The following ATP2B2 variants were observed in gnomAD, a reference collection of about 807,000 sequenced individuals.
ATP2B2 encodes plasma membrane calcium-transporting ATPase 2.
A neutral mutation model predicts 120.0 loss-of-function variants in ATP2B2; 15 were observed. That is an observed-to-expected ratio of 0.12 (90% CI 0.08 to 0.19). ATP2B2 has a LOEUF of 0.19. Ranked by LOEUF, ATP2B2 falls within the 10% of genes least tolerant of loss-of-function variation. The pLI is 1.00. For synonymous variants in ATP2B2, 694 were observed against 700.3 expected, an observed-to-expected ratio of 0.99 and a Z score of 0.14; for missense variants, 1,045 against 1,719.8, an observed-to-expected ratio of 0.61 and a Z score of 6.94.
At chr3:10,525,919 A>C (rs1372449063) in intron 3 of ATP2B2, among the ~76,000 whole-genome samples, 1 of 152,188 alleles carries the variant, frequency 6.6e-6, no homozygotes, top group Non-Finnish European at 1.5e-5. Context: ...TCTGCTTCGC[A>C]ACTGTATTCA....
At chr3:10,384,917 G>T (rs1410243577) in intron 8 of ATP2B2, among the ~76,000 whole-genome samples, 1 of 152,204 alleles carries the variant, frequency 6.6e-6, no homozygotes, top group Non-Finnish European at 1.5e-5. Context: ...TCTTCCCAAA[G>T]CCAGGGCCAG....
intron 2 of ATP2B2, among the ~76,000 whole-genome samples, chr3:10,597,387 GCA>G (rs1464892879): frequency 6.6e-6 from 1 of 150,590 alleles, no homozygotes; most frequent in Non-Finnish European, 1.5e-5. Context: ...ATACACACAG[GCA>G]CAGAGGCACA....
At chr3:10,491,224 ATTTTTTTTTT>A (rs3077070) in intron 1 of ATP2B2, among the ~76,000 whole-genome samples, 1 of 119,988 alleles carries the variant, frequency 8.3e-6, no homozygotes, top group African/African-American at 3.2e-5. Flanking sequence ...CCTTCATTCC[ATTTTTTTTTT>A]TTTTTTTTGA....
At position 10,347,251 on chromosome 3, in the gene ATP2B2, T is replaced by A. The variant is rs142136698; in HGVS notation, c.2405-1114A>T. On this transcript the variant is annotated intron_variant, in intron 16 of 22. Transcript: ENST00000360273. The surrounding 1 kb of genome is among the most constrained non-coding windows in gnomAD (Gnocchi z 5.2). ...AGAGCTAGCTCTCACTGGCCCTGTG[T>A]CTGGGCAGGCTGTTCCCTTGGCTGG... Among the ~76,000 whole-genome samples the A allele has an allele frequency of 4.1e-4, 63 of 152,322 alleles. No individual in the cohort carries two copies. The highest frequency in any genetic ancestry group is 1.5e-3 in the African/African-American group (62 of 41,574).
chr3:10,633,771 CA>C (rs2069940038), intron 1 of ATP2B2, among the ~76,000 whole-genome samples: 1 of 152,228 alleles, frequency 6.6e-6, no homozygotes, highest in Non-Finnish European at 1.5e-5. Flanking sequence ...ACAAGATCCT[CA>C]GTCCAGTTTC....
intron 3 of ATP2B2, among the ~76,000 whole-genome samples, chr3:10,512,464 G>GCGCGCGCACGCGCACACACA: frequency 7.3e-6 from 1 of 137,026 alleles, no homozygotes; most frequent in African/African-American, 2.9e-5. Context: ...AAGTGTGTGC[G>GCGCGCGCACGCGCACACACA]CACACACACA....
chr3:10,625,996 A>G (rs1320150226), intron 1 of ATP2B2: 1 of 151,964 alleles, frequency 6.6e-6, no homozygotes, highest in African/African-American at 2.4e-5. Context: ...TTTTTTTCCC[A>G]TTTATGGTAG....
intron 2 of ATP2B2, among the ~76,000 whole-genome samples, chr3:10,619,405 T>TC (rs1160812460): frequency 6.6e-6 from 1 of 152,144 alleles, no homozygotes; most frequent in African/African-American, 2.4e-5. Context: ...AAAATGCCCC[T>TC]CAGTGGACTG....
rs1310838076 is a variant in ATP2B2, at chr3:10,449,636, C to A, written c.-93G>T. On this transcript the variant is annotated 5_prime_UTR_variant, in exon 2 of 23. Coordinates refer to ENST00000360273, the MANE Select transcript of ATP2B2 (RefSeq NM_001001331.4). ...GCTGCTTGTGGCTGTCCTCAGCACA[C>A]CCTCACTGGTCAGCTGTGGCACCAG... 6.7e-7 allele frequency: 1 copy of A among 1,499,672 alleles called. No homozygotes were observed. Among genetic ancestry groups the A allele is most frequent in the Non-Finnish European group, 9.3e-7 (1 of 1,080,994 alleles). 92.9% of individuals were successfully genotyped at this position (1,499,672 alleles called of 1,614,324 possible). A position where few individuals can be genotyped will look rare whatever the true frequency, so the allele number is the denominator to read the frequency against.
intron 3 of ATP2B2, among the ~76,000 whole-genome samples, chr3:10,526,662 G>T (rs1380643271): frequency 1.3e-5 from 2 of 152,198 alleles, no homozygotes; most frequent in Non-Finnish European, 2.9e-5. Flanking sequence ...TCTGTGATGA[G>T]TGTGCGGATG....
chr3:10,683,760 G>GTGTGTGTGTGTGTGTA (rs1446781892), intron 1 of ATP2B2, among the ~76,000 whole-genome samples: 1 of 53,888 alleles, frequency 1.9e-5, no homozygotes, highest in African/African-American at 5.6e-5. Context: ...GTGTGTGTGT[G>GTGTGTGTGTGTGTGTA]TATATATATA....
At position 10,327,942 on chromosome 3, in the gene ATP2B2, T is replaced by G. The variant is rs1351859682; in HGVS notation, c.*872A>C. On this transcript the variant is annotated 3_prime_UTR_variant, in exon 23 of 23. Transcript: ENST00000360273. ...GAAGTGTCTGTTGGGCCGAGCTGTT[T>G]TTATAGCATCTCAGCCACCAGTGTT... 1.6e-4 allele frequency: 25 copies of G among 152,636 alleles called. No homozygotes were observed. 9.5% of individuals were successfully genotyped at this position (152,636 alleles called of 1,614,324 possible).
At chr3:10,389,482 G>C (rs1196166423) in intron 5 of ATP2B2, among the ~76,000 whole-genome samples, 1 of 152,194 alleles carries the variant, frequency 6.6e-6, no homozygotes, top group Non-Finnish European at 1.5e-5. Context: ...ACTGCAGTAA[G>C]TAAGTGAGCC....
At chr3:10,623,054 CTTTTTTTTTT>C (rs34097914) in intron 1 of ATP2B2, among the ~76,000 whole-genome samples, 3,135 of 106,640 alleles carry the variant, frequency 0.029, 126 homozygotes, top group African/African-American at 0.1. Flanking sequence ...TTGGTCAGCT[CTTTTTTTTTT>C]TTTTTTTTTT....
chr3:10,622,963 G>T (rs764502579), intron 1 of ATP2B2, among the ~76,000 whole-genome samples: 1 of 152,094 alleles, frequency 6.6e-6, no homozygotes, highest in Non-Finnish European at 1.5e-5. Context: ...ATAAAATGGG[G>T]GTAGAAACAA....
At chr3:10,341,269 C>T (rs972000449) in intron 19 of ATP2B2, among the ~76,000 whole-genome samples, 5 of 152,044 alleles carry the variant, frequency 3.3e-5, no homozygotes, top group Admixed American at 6.5e-5. Context: ...GCTGTGTAGA[C>T]GCTGCTGATA....
At chr3:10,372,679 T>C (rs937699684) in intron 11 of ATP2B2, among the ~76,000 whole-genome samples, 1 of 152,290 alleles carries the variant, frequency 6.6e-6, no homozygotes. Context: ...AAAGAAAACA[T>C]ATCAACTATT....
At chr3:10,387,336 C>A (rs1176829232) in intron 6 of ATP2B2, among the ~76,000 whole-genome samples, 1 of 152,212 alleles carries the variant, frequency 6.6e-6, no homozygotes, top group Non-Finnish European at 1.5e-5. Context: ...TCAGTCTCGA[C>A]CTAAGCTCTG....
intron 2 of ATP2B2, among the ~76,000 whole-genome samples, chr3:10,597,181 G>T (rs2068790445): frequency 1.4e-5 from 2 of 139,436 alleles, no homozygotes; most frequent in African/African-American, 2.7e-5. Context: ...ACAGGCACAG[G>T]CACACAGACA....
Sources: allele counts gnomAD v4.1 joint callset (sites outside exome capture counted in the v4.1 genomes callset), GRCh38; gene constraint gnomAD v4.1.1; non-coding constraint Gnocchi (gnomAD v3.1); transcripts MANE v1.5; gene names NCBI Gene and HGNC (gene_info 2026-07-23, HGNC 2026-07-21).